SLC35H1: variants seen among roughly 807,000 people sequenced by gnomAD.
SLC35H1 encodes ovarian cancer-overexpressed gene 1 protein.
the SLC35H1 span, chr20:46,358,501 C>T: frequency 1.2e-5 from 20 of 1,614,104 alleles, no homozygotes; most frequent in Non-Finnish European, 1.6e-5. Context: ...GGGCCCACCT[C>T]CCCATTCGTG....
the SLC35H1 span, among the ~76,000 whole-genome samples, chr20:46,359,272 C>T: frequency 6.6e-6 from 1 of 152,326 alleles, no homozygotes; most frequent in South Asian, 2.1e-4. Flanking sequence ...CACCCCATCC[C>T]CTGAATCAGT....
At chr20:46,358,679 C>G in the SLC35H1 span, 452,704 of 1,551,074 alleles carry the variant, frequency 0.29, 70,098 homozygotes, top group Admixed American at 0.32. Flanking sequence ...GAGCCCCAGG[C>G]AGAGTCCTCA....
At chr20:46,357,550 G>T in the SLC35H1 span, 7 of 1,525,904 alleles carry the variant, frequency 4.6e-6, no homozygotes, top group East Asian at 1.6e-4. Flanking sequence ...ACATGCGGGT[G>T]TCTCTCTTGT....
chr20:46,356,410 C>T, the SLC35H1 span, among the ~76,000 whole-genome samples: 9 of 152,268 alleles, frequency 5.9e-5, no homozygotes, highest in East Asian at 3.9e-4. Context: ...AAGAGGCTGG[C>T]GACTTCCCGG....
chr20:46,352,368 T>G, the SLC35H1 span: 2 of 746,726 alleles, frequency 2.7e-6, no homozygotes, highest in Non-Finnish European at 4.3e-6. Flanking sequence ...AGAAAAAGCA[T>G]GGAAGGTATA....
chr20:46,354,965 C>G, the SLC35H1 span: 1 of 1,613,994 alleles, frequency 6.2e-7, no homozygotes, highest in South Asian at 1.1e-5. Context: ...ATTCTGGAGG[C>G]CTGCAGGGCG....
chr20:46,358,496 C>CA, the SLC35H1 span: 1 of 1,614,208 alleles, frequency 6.2e-7, no homozygotes, highest in Non-Finnish European at 8.5e-7. Flanking sequence ...ATCGAGGGCC[C>CA]ACCTCCCCAT....
At chr20:46,348,857 C>T in the SLC35H1 span, 1 of 152,236 alleles carries the variant, frequency 6.6e-6, no homozygotes, top group Non-Finnish European at 1.5e-5. Context: ...TCTATGGCTG[C>T]TTTTGTGCTA....
the SLC35H1 span, chr20:46,358,408 G>A: frequency 6.2e-7 from 1 of 1,614,180 alleles, no homozygotes; most frequent in Non-Finnish European, 8.5e-7. Flanking sequence ...ACTTGTTGTA[G>A]AAGGTGATGC....
the SLC35H1 span, chr20:46,352,247 G>C: frequency 6.2e-7 from 1 of 1,612,418 alleles, no homozygotes; most frequent in Non-Finnish European, 8.5e-7. Flanking sequence ...CAGGGAGAGA[G>C]AGTGGGAGGC....
the SLC35H1 span, chr20:46,352,242 A>G: frequency 1.2e-6 from 2 of 1,612,872 alleles, no homozygotes; most frequent in South Asian, 1.1e-5. Flanking sequence ...AGCAACAGGG[A>G]GAGAGAGTGG....
At chr20:46,346,604 G>A in the SLC35H1 span, 101 of 152,218 alleles carry the variant, frequency 6.6e-4, no homozygotes, top group African/African-American at 2.4e-3. Context: ...AACATGTACT[G>A]AAATACAAAA....
the SLC35H1 span, chr20:46,352,487 TCCTAGCGGGATGATGGGAC>T: frequency 3.9e-5 from 17 of 436,846 alleles, no homozygotes; most frequent in South Asian, 2.4e-4. Context: ...ATGATGCGGA[TCCTAGCGGGATGATGGGAC>T]CCTAGCGGGA....
At chr20:46,358,761 C>T in the SLC35H1 span, 1 of 1,529,122 alleles carries the variant, frequency 6.5e-7, no homozygotes, top group Non-Finnish European at 8.9e-7. Flanking sequence ...GTCCCAAGGT[C>T]TGCTGCTGGG....
the SLC35H1 span, among the ~76,000 whole-genome samples, chr20:46,360,094 G>A: frequency 6.8e-4 from 103 of 152,286 alleles, no homozygotes; most frequent in Admixed American, 1.2e-3. Context: ...GCCAATTACT[G>A]CTCTGCATCC....
the SLC35H1 span, among the ~76,000 whole-genome samples, chr20:46,351,267 C>T: frequency 3.3e-5 from 5 of 152,236 alleles, no homozygotes; most frequent in African/African-American, 7.2e-5. Context: ...TGTGTTACCC[C>T]GGACTGAAGA....
the SLC35H1 span, chr20:46,351,989 G>T: frequency 1.3e-6 from 2 of 1,552,684 alleles, no homozygotes; most frequent in Non-Finnish European, 1.8e-6. Context: ...TGAAGCTGCT[G>T]GTGAGAAACC....
At chr20:46,349,789 G>A in the SLC35H1 span, 1 of 152,282 alleles carries the variant, frequency 6.6e-6, no homozygotes, top group Non-Finnish European at 1.5e-5. Flanking sequence ...GCCCCACTGG[G>A]GAGGGGACTG....
At chr20:46,356,537 G>A in the SLC35H1 span, 2 of 1,609,614 alleles carry the variant, frequency 1.2e-6, no homozygotes, top group Non-Finnish European at 1.7e-6. Context: ...GACAGCTTCA[G>A]CCTGAAGGGA....
Sources: gnomAD v4.1 joint callset for allele counts (sites outside exome capture counted in the v4.1 genomes callset) on GRCh38, gnomAD v4.1.1 for gene constraint, MANE v1.5 for transcripts, NCBI Gene and HGNC (gene_info 2026-07-23, HGNC 2026-07-21) for gene names.